Variants in SH3PXD2B observed in about 807,000 individuals in gnomAD.
The protein encoded by SH3PXD2B is SH3 and PX domains 2B.
Under a neutral mutation model 73.1 loss-of-function variants are expected in SH3PXD2B, and 37 were observed. The observed-to-expected ratio is 0.51, with a 90% CI of 0.39 to 0.67. The LOEUF (loss-of-function observed/expected upper bound fraction) is 0.67, where lower values mean the gene tolerates loss of function less well. Among genes scored for constraint, SH3PXD2B ranks in the 30% least tolerant of loss-of-function variants. The pLI, the probability that SH3PXD2B is intolerant of heterozygous loss-of-function variation, is 0.00. For missense variants in SH3PXD2B, 1,053 were observed against 1,197.8 expected, an observed-to-expected ratio of 0.88 and a Z score of 1.78; for synonymous variants, 457 against 480.5, an observed-to-expected ratio of 0.95 and a Z score of 0.64.
intron 6 of SH3PXD2B, 30 bp downstream of exon 6, chr5:172,373,760 C>T (rs368374430): frequency 1.7e-5 from 27 of 1,607,600 alleles, no homozygotes; most frequent in African/African-American, 2.7e-5. Context: ...GAAAACTGAA[C>T]GAAGAGAAGA....
chr5:172,368,320 CCTT>C (rs912452138), intron 6 of SH3PXD2B, among the ~76,000 whole-genome samples: 1 of 150,326 alleles, frequency 6.7e-6, no homozygotes, highest in African/African-American at 2.4e-5. Flanking sequence ...TTACTTGTCT[CCTT>C]GTTTACTTTT....
chr5:172,363,494 T>C (rs753921654), intron 6 of SH3PXD2B, among the ~76,000 whole-genome samples: 4 of 152,134 alleles, frequency 2.6e-5, no homozygotes, highest in Admixed American at 6.5e-5. Flanking sequence ...CGTTAGTTTA[T>C]GAAAAATTGA....
At chr5:172,348,671 CTAT>C (rs1561896759) in intron 10 of SH3PXD2B, among the ~76,000 whole-genome samples, 1,080 of 55,562 alleles carry the variant, frequency 0.019, 15 homozygotes, top group East Asian at 0.044. Context: ...ATCTATCTAT[CTAT>C]CTATCTATCT....
At chr5:172,373,494 C>T (rs1273485417) in intron 6 of SH3PXD2B, among the ~76,000 whole-genome samples, 2 of 152,228 alleles carry the variant, frequency 1.3e-5, no homozygotes, top group African/African-American at 4.8e-5. Context: ...AAGTCTCAAC[C>T]ACTTGGCAGT....
intron 3 of SH3PXD2B, among the ~76,000 whole-genome samples, chr5:172,403,293 C>T (rs997750956): frequency 2.0e-5 from 3 of 152,222 alleles, no homozygotes; most frequent in Non-Finnish European, 4.4e-5. Context: ...GTGCAGGCTG[C>T]TCTCCCCTCC....
At chr5:172,447,115 G>GT (rs1055131837) in intron 1 of SH3PXD2B, among the ~76,000 whole-genome samples, 14 of 151,960 alleles carry the variant, frequency 9.2e-5, no homozygotes, top group Admixed American at 4.6e-4. Context: ...AGCATTTGCT[G>GT]TTTTTTTATT....
intron 5 of SH3PXD2B, among the ~76,000 whole-genome samples, chr5:172,381,048 A>AT (rs1477248755): frequency 1.3e-5 from 2 of 152,240 alleles, no homozygotes; most frequent in Non-Finnish European, 2.9e-5. Context: ...TATTTAAAAA[A>AT]TTTTTGTGAT....
At chr5:172,396,066 G>A (rs1261611632) in intron 3 of SH3PXD2B, among the ~76,000 whole-genome samples, 1 of 151,996 alleles carries the variant, frequency 6.6e-6, no homozygotes, top group Non-Finnish European at 1.5e-5. Context: ...GAAAAGTCTA[G>A]TAAGGATTGG....
intron 6 of SH3PXD2B, 63 bp downstream of exon 6, chr5:172,373,727 T>C (rs1354375316): frequency 3.9e-6 from 6 of 1,537,976 alleles, no homozygotes; most frequent in African/African-American, 1.4e-5. Flanking sequence ...TGGTGCACAG[T>C]TGGTGCTCGG....
chr5:172,374,673 T>TC (rs1444694055), intron 5 of SH3PXD2B, among the ~76,000 whole-genome samples: 1 of 152,136 alleles, frequency 6.6e-6, no homozygotes, highest in African/African-American at 2.4e-5. Context: ...AGAGCAAGAC[T>TC]CCATCTTGGT....
chr5:172,339,470 C>A lies in SH3PXD2B; in HGVS notation c.1635G>T (p.Arg545Ser). The change falls in exon 13 of 13, where the codon AGG (arginine) becomes AGT (serine). Residue 545 changes from arginine (R) to serine (S), a missense_variant. By Grantham distance (110) the Arg-to-Ser change is moderately radical. Coordinates refer to ENST00000311601, the MANE Select transcript of SH3PXD2B (RefSeq NM_001017995.3). This position sits in a 1 kb window ranked among gnomAD's most constrained non-coding sequence, Gnocchi z 6.1. ...GAGTGGGGCCCCGGAGCTGCTCCGTCCTCTGCCGCTCCCGCTCCCGCTCCA... is the reference window on the plus strand; with the variant it reads ...GAGTGGGGCCCCGGAGCTGCTCCGTACTCTGCCGCTCCCGCTCCCGCTCCA... ...ELLERERERQ[R>S]TEQLRGPTPK... 6.2e-7 allele frequency: 1 copy of A among 1,613,866 alleles called. No homozygotes were observed. Among genetic ancestry groups the A allele is most frequent in the Non-Finnish European group, 8.5e-7 (1 of 1,179,882 alleles).
chr5:172,403,362 G>A (rs367691300), intron 3 of SH3PXD2B, among the ~76,000 whole-genome samples: 1 of 152,216 alleles, frequency 6.6e-6, no homozygotes, highest in South Asian at 2.1e-4. Flanking sequence ...AGTCTTGGCA[G>A]AAAACTGACC....
rs1039344303 is a variant in SH3PXD2B, at chr5:172,338,879, G to T, written c.2226C>A (p.Ser742Arg). ...GAGCCTCTTGGAGAGGAACAGGCACGCTCTTAGACACAGGATCTGTGGTCT... is the reference window on the plus strand; with the variant it reads ...GAGCCTCTTGGAGAGGAACAGGCACTCTCTTAGACACAGGATCTGTGGTCT... ...PAKTTDPVSK[S>R]VPVPLQEAPQ... Residue 742 changes from serine to arginine, a missense_variant, in exon 13 of 13, where the codon AGC becomes AGA. Physicochemically the swap from Ser to Arg is moderately radical, Grantham distance 110 (BLOSUM62 -1). Transcript: ENST00000311601. This position sits in a 1 kb window ranked among gnomAD's most constrained non-coding sequence, Gnocchi z 5.1. 1.2e-6 allele frequency: 2 copies of T among 1,612,462 alleles called. No individual in the cohort carries two copies. Among genetic ancestry groups the T allele is most frequent in the South Asian group, 2.2e-5 (2 of 91,060 alleles).
intron 1 of SH3PXD2B, among the ~76,000 whole-genome samples, chr5:172,432,608 AAC>A (rs1441821152): frequency 1.3e-5 from 2 of 152,170 alleles, no homozygotes; most frequent in African/African-American, 4.8e-5. Context: ...CAAATTCGCA[AAC>A]ATGAAATCTA....
intron 2 of SH3PXD2B, among the ~76,000 whole-genome samples, chr5:172,411,252 T>C (rs2113441129): frequency 6.6e-6 from 1 of 152,234 alleles, no homozygotes; most frequent in East Asian, 1.9e-4. Flanking sequence ...CACCCTAACA[T>C]GACTATTTCC....
chr5:172,397,255 G>T (rs565248804), intron 3 of SH3PXD2B, among the ~76,000 whole-genome samples: 3 of 152,078 alleles, frequency 2.0e-5, no homozygotes, highest in Non-Finnish European at 4.4e-5. Context: ...GGAAATTCCC[G>T]CCTAATAAAT....
At chr5:172,409,000 G>C (rs1056579045) in intron 2 of SH3PXD2B, among the ~76,000 whole-genome samples, 2 of 152,056 alleles carry the variant, frequency 1.3e-5, no homozygotes, top group Admixed American at 1.3e-4. Context: ...TCATTTATTT[G>C]TGTTAGAAAT....
At chr5:172,412,526 T>C (rs141138137) in intron 2 of SH3PXD2B, among the ~76,000 whole-genome samples, 12 of 152,346 alleles carry the variant, frequency 7.9e-5, no homozygotes, top group Non-Finnish European at 1.6e-4. Flanking sequence ...CTGTGTCCAA[T>C]GTCAACGGCC....
At position 172,439,281 on chromosome 5, in the gene SH3PXD2B, CA is replaced by C. The variant is rs1258473455; in HGVS notation, c.75+14996del. ...AAAAAAAACAAAAACAAAAACAAAA[CA>C]AAAAAAAAACCCCAAAAAAAAACCA... On this transcript the variant is annotated intron_variant, in intron 1 of 12. Transcript: ENST00000311601. 1.8e-3 allele frequency among the ~76,000 whole-genome samples: 74 copies of C among 41,906 alleles called. 1 individual carries two copies. The highest frequency in any genetic ancestry group is 7.6e-3 in the East Asian group (22 of 2,894). 27.5% of individuals were successfully genotyped at this position (41,906 alleles called of 152,430 possible).
Sources: gnomAD v4.1 joint callset for allele counts (sites outside exome capture counted in the v4.1 genomes callset) on GRCh38, gnomAD v4.1.1 for gene constraint, Gnocchi (gnomAD v3.1) non-coding constraint, MANE v1.5 for transcripts, NCBI Gene and HGNC (gene_info 2026-07-23, HGNC 2026-07-21) for gene names.